Variants in REV1 observed in about 807,000 individuals in gnomAD.
The protein encoded by REV1 is translesion synthesis protein REV1.
In REV1, 42 loss-of-function variants were observed where a neutral mutation model predicts 137.4. That is an observed-to-expected ratio of 0.31 (90% CI 0.24 to 0.40). The LOEUF is 0.40. Ranked by LOEUF, REV1 falls within the 10% of genes least tolerant of loss-of-function variation. The probability of loss-of-function intolerance (pLI) is 1.00; values close to 1 mark genes in which losing one functional copy is unlikely to be tolerated. For missense variants in REV1, 1,282 were observed against 1,490.1 expected (o/e 0.86, Z 2.30); for synonymous variants, 524 against 519.2 (o/e 1.01, Z -0.12).
intron 1 of REV1, among the ~76,000 whole-genome samples, chr2:99,484,271 T>G (rs1388953430): frequency 5.3e-5 from 8 of 152,146 alleles, no homozygotes; most frequent in Non-Finnish European, 8.8e-5. Context: ...GTAACTATTG[T>G]GTATCAGGCT....
At chr2:99,482,049 T>C (rs1372725126) in intron 1 of REV1, among the ~76,000 whole-genome samples, 1 of 152,186 alleles carries the variant, frequency 6.6e-6, no homozygotes, top group African/African-American at 2.4e-5. Flanking sequence ...GGCCTGGCCA[T>C]GCTGGAAATG....
intron 9 of REV1, among the ~76,000 whole-genome samples, chr2:99,426,654 A>G (rs1369994090): frequency 6.6e-6 from 1 of 152,224 alleles, no homozygotes; most frequent in Non-Finnish European, 1.5e-5. Context: ...GCTTTGTTCC[A>G]TAGAAAATAA....
chr2:99,404,344 G>T, intron 18 of REV1, 100 bp downstream of exon 18: 1 of 892,878 alleles, frequency 1.1e-6, no homozygotes, highest in Non-Finnish European at 1.8e-6. Flanking sequence ...TGGATGTGGT[G>T]TCAGATACAG....
intron 11 of REV1, 121 bp from the exon 12 acceptor site, chr2:99,419,068 A>G: frequency 2.4e-6 from 2 of 846,304 alleles, no homozygotes; most frequent in Non-Finnish European, 3.6e-6. Flanking sequence ...AATTTTGATT[A>G]TTTCAAATAA....
intron 13 of REV1, 36 bp from the exon 14 acceptor site, chr2:99,410,903 A>C (rs3087383): frequency 3.9e-5 from 59 of 1,530,106 alleles, no homozygotes; most frequent in Non-Finnish European, 8.8e-7. Flanking sequence ...CTACCATTCC[A>C]CTTTCCTATA....
chr2:99,409,308 C>T (rs1352014754), intron 14 of REV1, among the ~76,000 whole-genome samples: 1 of 152,132 alleles, frequency 6.6e-6, no homozygotes, highest in Non-Finnish European at 1.5e-5. Flanking sequence ...TAAGAGCAGT[C>T]GTCTCACGAC....
intron 9 of REV1, among the ~76,000 whole-genome samples, chr2:99,426,287 C>T (rs2104659995): frequency 6.6e-6 from 1 of 150,554 alleles, no homozygotes; most frequent in African/African-American, 2.5e-5. Flanking sequence ...GTGGAGGTTG[C>T]AGCGAGCCAA....
chr2:99,421,465 A>C, intron 11 of REV1, 34 bp downstream of exon 11: 1 of 1,567,050 alleles, frequency 6.4e-7, no homozygotes, highest in Non-Finnish European at 8.6e-7. Context: ...TCTCAAAGCA[A>C]CTCTTTTGAG....
intron 13 of REV1, among the ~76,000 whole-genome samples, chr2:99,411,542 G>C (rs1299094733): frequency 6.6e-6 from 1 of 151,410 alleles, no homozygotes; most frequent in Non-Finnish European, 1.5e-5. Flanking sequence ...GAGTAGCTAG[G>C]ATTGCAGGCG....
In REV1 at chr2:99,462,582, T is replaced by C; in HGVS notation, c.95A>G (p.Gln32Arg). The C allele has an allele frequency of 6.2e-7, 1 of 1,613,282 alleles. No homozygotes were observed. Among genetic ancestry groups the C allele is most frequent in the Non-Finnish European group, 8.5e-7 (1 of 1,179,792 alleles). The change falls in exon 3 of 23, where the codon CAG becomes CGG. Residue 32 changes from glutamine to arginine, a missense_variant. By Grantham distance (43) the Gln-to-Arg change is conservative. This residue lies in a region of REV1 where 107 missense variants were observed against 164.3 expected (regional missense o/e 0.65). Coordinates refer to ENST00000258428, the MANE Select transcript of REV1 (RefSeq NM_016316.4). ...MAAKVQKLEE[Q>R]FRSDAAMQKD... ...CTGCATAGCAGCATCTGATCGAAACTGTTCCTCCAATTTCTGGACCTTGGC... is the reference window on the plus strand; with the variant it reads ...CTGCATAGCAGCATCTGATCGAAACCGTTCCTCCAATTTCTGGACCTTGGC...
At chr2:99,440,408 T>TCA (rs1681333013) in intron 5 of REV1, among the ~76,000 whole-genome samples, 1 of 152,174 alleles carries the variant, frequency 6.6e-6, no homozygotes, top group Admixed American at 6.5e-5. Context: ...CTAAAGCCCC[T>TCA]CACCCTAATA....
chr2:99,461,144 C>T (rs565534902), intron 3 of REV1, among the ~76,000 whole-genome samples: 1 of 152,358 alleles, frequency 6.6e-6, no homozygotes, highest in South Asian at 2.1e-4. Flanking sequence ...CTTCCCAATG[C>T]TGCACCAGCA....
chr2:99,441,293 C>T (rs1486204756), intron 5 of REV1, among the ~76,000 whole-genome samples: 1 of 152,032 alleles, frequency 6.6e-6, no homozygotes, highest in Non-Finnish European at 1.5e-5. Context: ...TGGATCCTCT[C>T]AGATTAATTA....
At position 99,402,149 on chromosome 2, in the gene REV1, G is replaced by A. The variant is rs1675551386; in HGVS notation, c.3644+95C>T. 5 of 619,330 alleles carry A rather than the reference G, an allele frequency of 8.1e-6. No homozygotes were observed. In the East Asian group the frequency reaches 1.4e-4, roughly 18 times the overall value. 38.4% of individuals were successfully genotyped at this position (619,330 alleles called of 1,614,324 possible). A position where few individuals can be genotyped will look rare whatever the true frequency, so the allele number is the denominator to read the frequency against. On this transcript the variant is annotated intron_variant, in intron 22 of 22. Coordinates refer to ENST00000258428, the MANE Select transcript of REV1 (RefSeq NM_016316.4). Reference sequence around the variant, plus strand: ...ATCACTTTCTCATTAACCCTAATGAGTACAGTTTCCCAGAAAGTTTAAAAC... The same window carrying A: ...ATCACTTTCTCATTAACCCTAATGAATACAGTTTCCCAGAAAGTTTAAAAC...
intron 9 of REV1, among the ~76,000 whole-genome samples, chr2:99,426,390 T>C (rs533031756): frequency 2.6e-5 from 4 of 151,996 alleles, no homozygotes; most frequent in Non-Finnish European, 5.9e-5. Context: ...ATAAATATCA[T>C]GTTCTTATAT....
intron 9 of REV1, among the ~76,000 whole-genome samples, chr2:99,425,828 G>A (rs1679265469): frequency 1.3e-5 from 2 of 152,022 alleles, no homozygotes; most frequent in Admixed American, 1.3e-4. Context: ...CCTGAGAGGG[G>A]GAGTTCGAGA....
intron 4 of REV1, among the ~76,000 whole-genome samples, chr2:99,443,406 T>G (rs904643296): frequency 4.6e-5 from 7 of 152,250 alleles, no homozygotes; most frequent in African/African-American, 1.7e-4. Flanking sequence ...CATTTTCATT[T>G]TCTTAAATGG....
At chr2:99,487,679 C>G (rs1317507762) in intron 1 of REV1, among the ~76,000 whole-genome samples, 1 of 118,540 alleles carries the variant, frequency 8.4e-6, no homozygotes, top group East Asian at 2.2e-4. Flanking sequence ...GTTTAATATA[C>G]TCTATGATTA....
At chr2:99,447,062 G>T (rs2104921163) in intron 4 of REV1, among the ~76,000 whole-genome samples, 1 of 152,212 alleles carries the variant, frequency 6.6e-6, no homozygotes, top group East Asian at 1.9e-4. Context: ...TGAGACCACA[G>T]TGCAAAGGAA....
Sources: gnomAD v4.1 joint callset for allele counts (sites outside exome capture counted in the v4.1 genomes callset) on GRCh38, gnomAD v4.1.1 for gene constraint, gnomAD v4.1.1 regional missense constraint, MANE v1.5 for transcripts, NCBI Gene and HGNC (gene_info 2026-07-23, HGNC 2026-07-21) for gene names.